The following RERG variants were observed in gnomAD, a reference collection of about 807,000 sequenced individuals.
RERG encodes the protein RAS like estrogen regulated growth inhibitor.
RERG carries 25 observed loss-of-function variants against 23.2 expected under a neutral mutation model. The observed-to-expected ratio is 1.08, with a 90% CI of 0.79 to 1.50. RERG has a LOEUF of 1.50. RERG is among the 40% of genes most tolerant of loss of function. The probability of loss-of-function intolerance (pLI) is 0.00; values close to 1 mark genes in which losing one functional copy is unlikely to be tolerated. For synonymous variants in RERG, 81 were observed against 89.1 expected (o/e 0.91, Z 0.51); for missense variants, 253 against 250.1 (o/e 1.01, Z -0.08).
At chr12:15,211,551 G>A (rs890968253) in intron 2 of RERG, among the ~76,000 whole-genome samples, 1 of 152,218 alleles carries the variant, frequency 6.6e-6, no homozygotes, top group East Asian at 1.9e-4. Flanking sequence ...CAAAACCAAG[G>A]CATTGGTCAT....
chr12:15,146,881 A>C (rs1864342117), intron 2 of RERG, among the ~76,000 whole-genome samples: 2 of 152,222 alleles, frequency 1.3e-5, no homozygotes, highest in Non-Finnish European at 2.9e-5. Flanking sequence ...AAACGCATGC[A>C]GATTAGCCTT....
intron 3 of RERG, among the ~76,000 whole-genome samples, chr12:15,112,851 C>T (rs1022972243): frequency 5.9e-5 from 9 of 152,006 alleles, no homozygotes; most frequent in Non-Finnish European, 8.8e-5. Flanking sequence ...AATTTCTCAA[C>T]GTGAGGGAAC....
rs185435112 is a variant in RERG, at chr12:15,198,261, G to T, written c.61+19168C>A. ...TGCACCCCTTTCTTGGTCGAAAGGG[G>T]TGCAGAACTCAACTCCATTCAGGCC... On this transcript the variant is annotated intron_variant, in intron 2 of 4. Coordinates refer to ENST00000256953, the MANE Select transcript of RERG (RefSeq NM_032918.3). Among the ~76,000 whole-genome samples, 76 of 152,100 alleles carry T rather than the reference G, an allele frequency of 5.0e-4. No individual in the cohort carries two copies. In the Middle Eastern group the frequency reaches 0.01, roughly 20 times the overall value.
At chr12:15,181,573 G>A (rs547983167) in intron 2 of RERG, among the ~76,000 whole-genome samples, 16 of 152,270 alleles carry the variant, frequency 1.1e-4, no homozygotes, top group African/African-American at 2.2e-4. Context: ...CCATTTCTCC[G>A]TCTGTAAGTG....
chr12:15,117,683 ACAC>A (rs1863752643), intron 3 of RERG, among the ~76,000 whole-genome samples: 1 of 149,488 alleles, frequency 6.7e-6, no homozygotes, highest in Non-Finnish European at 1.5e-5. Context: ...GCGCACACAC[ACAC>A]ACACACACAC....
Position 15,181,884 on chromosome 12 carries a change from G to C in RERG, c.61+35545C>G, listed in dbSNP as rs150066918. On this transcript the variant is annotated intron_variant, in intron 2 of 4. Coordinates refer to ENST00000256953, the MANE Select transcript of RERG (RefSeq NM_032918.3). ...TGCAAAGGTGTGGCTGCAGGGCTTC[G>C]CTATTCATAGAGCAAACTCTGGGAG... Among the ~76,000 whole-genome samples, 80 of 152,144 alleles carry C rather than the reference G, an allele frequency of 5.3e-4. No homozygotes were observed. The East Asian group carries it at 0.013, about 25-fold the overall frequency.
rs566827352 is a variant in RERG at position 15,164,183 on chromosome 12, G to T, written c.62-43064C>A. The stretch of plus-strand genomic sequence containing the variant: ...CTGATCTCTGAGCCAGTCCTGACTG[G>T]AGCAAGTTTTACATAGGGGCTCCAT... On this transcript the variant is annotated intron_variant, in intron 2 of 4. Coordinates refer to ENST00000256953, the MANE Select transcript of RERG (RefSeq NM_032918.3). Among the ~76,000 whole-genome samples, 7 of 152,282 alleles carry T rather than the reference G, an allele frequency of 4.6e-5. No individual in the cohort carries two copies. The South Asian group carries it at 1.2e-3, about 27-fold the overall frequency.
At chr12:15,113,947 A>C (rs1863670963) in intron 3 of RERG, among the ~76,000 whole-genome samples, 1 of 152,044 alleles carries the variant, frequency 6.6e-6, no homozygotes, top group Admixed American at 6.5e-5. Flanking sequence ...GCACAAATTT[A>C]CCAAGGCCTT....
intron 2 of RERG, among the ~76,000 whole-genome samples, chr12:15,201,651 ATAAT>A (rs1865218200): frequency 6.7e-6 from 1 of 149,340 alleles, no homozygotes; most frequent in Admixed American, 6.7e-5. Flanking sequence ...TAGTATAGTA[ATAAT>A]TATTAGTAAT....
intron 2 of RERG, among the ~76,000 whole-genome samples, chr12:15,184,527 C>G (rs1864964493): frequency 6.6e-6 from 1 of 152,132 alleles, no homozygotes; most frequent in East Asian, 1.9e-4. Context: ...ACTTTTCCCC[C>G]CACTTACACT....
At chr12:15,161,138 AAAAGAAAG>A (rs57319626) in intron 2 of RERG, among the ~76,000 whole-genome samples, 777 of 41,626 alleles carry the variant, frequency 0.019, 9 homozygotes, top group African/African-American at 0.02. Flanking sequence ...CCATCTCAGA[AAAAGAAAG>A]AAAGAAAGAA....
chr12:15,123,584 T>G (rs972375256), intron 2 of RERG, among the ~76,000 whole-genome samples: 12 of 147,788 alleles, frequency 8.1e-5, no homozygotes, highest in African/African-American at 2.2e-4. Context: ...ATAATAAAAT[T>G]TTATCCCAGT....
chr12:15,202,427 G>A (rs774529212), intron 2 of RERG, among the ~76,000 whole-genome samples: 3 of 151,722 alleles, frequency 2.0e-5, no homozygotes, highest in Non-Finnish European at 3.0e-5. Context: ...GTAACTTTAT[G>A]CACATTGAAT....
At chr12:15,203,774 C>A (rs969032709) in intron 2 of RERG, among the ~76,000 whole-genome samples, 1 of 151,446 alleles carries the variant, frequency 6.6e-6, no homozygotes. Context: ...ATATACTAAA[C>A]AAATTATTCA....
At chr12:15,167,882 G>A in intron 2 of RERG, among the ~76,000 whole-genome samples, 1 of 152,110 alleles carries the variant, frequency 6.6e-6, no homozygotes, top group South Asian at 2.1e-4. Flanking sequence ...GAGGCAAAAG[G>A]CTTTCAGGTT....
chr12:15,161,255 C>A (rs1436839612), intron 2 of RERG, among the ~76,000 whole-genome samples: 1 of 150,868 alleles, frequency 6.6e-6, no homozygotes, highest in Non-Finnish European at 1.5e-5. Flanking sequence ...GTGTTTTGCT[C>A]TATCTAGTAC....
chr12:15,188,757 G>C (rs1332225923), intron 2 of RERG, among the ~76,000 whole-genome samples: 1 of 152,050 alleles, frequency 6.6e-6, no homozygotes, highest in Admixed American at 6.6e-5. Context: ...TCCTTAAAAG[G>C]GTTTTTCAGC....
chr12:15,217,572 T>TG lies in RERG; in HGVS notation c.-84_-83insC. On this transcript the variant is annotated 5_prime_UTR_variant, in exon 2 of 5. An upstream open reading frame in the 5' UTR loses its in-frame stop. Coordinates refer to ENST00000256953, the MANE Select transcript of RERG (RefSeq NM_032918.3). ...TTGGTTCCAGTCTTTGGATTCACCA[T>TG]ATCATTGTGAATCTTGGAAGAGTCC... 4 of 972,722 alleles carry TG rather than the reference T, an allele frequency of 4.1e-6. No homozygotes were observed. Among genetic ancestry groups the TG allele is most frequent in the Non-Finnish European group, 6.7e-6 (4 of 599,196 alleles). 60.3% of individuals were successfully genotyped at this position (972,722 alleles called of 1,614,324 possible). A position where few individuals can be genotyped will look rare whatever the true frequency, so the allele number is the denominator to read the frequency against.
chr12:15,149,287 C>G (rs1007009063), intron 2 of RERG, among the ~76,000 whole-genome samples: 1 of 152,100 alleles, frequency 6.6e-6, no homozygotes, highest in Non-Finnish European at 1.5e-5. Context: ...TTTTTTATCA[C>G]TTCATCTCAG....
Sources: allele counts gnomAD v4.1 joint callset (sites outside exome capture counted in the v4.1 genomes callset), GRCh38; gene constraint gnomAD v4.1.1; transcripts MANE v1.5; gene names NCBI Gene and HGNC (gene_info 2026-07-23, HGNC 2026-07-21).